PAN3: variants seen among roughly 807,000 people sequenced by gnomAD.
PAN3 encodes poly(A) specific ribonuclease subunit PAN3, also known as PAN2-PAN3 deadenylation complex subunit PAN3.
A neutral mutation model predicts 96.2 loss-of-function variants in PAN3; 19 were observed. That is an observed-to-expected ratio of 0.20 (90% CI 0.14 to 0.29). PAN3 has a LOEUF of 0.29. Among genes scored for constraint, PAN3 ranks in the 10% least tolerant of loss-of-function variants. The pLI is 1.00. For synonymous variants in PAN3, 433 were observed against 406.6 expected (o/e 1.06, Z -0.78); for missense variants, 882 against 1,108.1 (o/e 0.80, Z 2.90).
intron 6 of PAN3, among the ~76,000 whole-genome samples, chr13:28,233,939 A>G (rs959818833): frequency 6.6e-6 from 1 of 152,202 alleles, no homozygotes. Flanking sequence ...GCATTTCCCA[A>G]GGTGCTTTTA....
At chr13:28,196,137 G>A (rs563364029) in intron 4 of PAN3, among the ~76,000 whole-genome samples, 1 of 151,612 alleles carries the variant, frequency 6.6e-6, no homozygotes, top group Admixed American at 6.6e-5. Context: ...GGGATTACAG[G>A]CATGAGCCAC....
At chr13:28,201,037 C>G (rs777870477) in intron 5 of PAN3, among the ~76,000 whole-genome samples, 1 of 151,610 alleles carries the variant, frequency 6.6e-6, no homozygotes, top group Non-Finnish European at 1.5e-5. Context: ...CTGTCTCTCT[C>G]TCTCTTTTTT....
At chr13:28,264,518 T>G (rs1342300558) in intron 9 of PAN3, among the ~76,000 whole-genome samples, 1 of 152,022 alleles carries the variant, frequency 6.6e-6, no homozygotes, top group African/African-American at 2.4e-5. Flanking sequence ...TGGGAGACTC[T>G]GTCTCCAAAA....
chr13:28,256,422 A>T lies in PAN3; in HGVS notation c.1131A>T (p.Thr377=). ...ACATGGTGCCTTCTAGTGCCTCTAC[A>T]TCTGTTAATAATCCTGTTTCTCAGA... is the stretch of plus-strand genomic sequence containing the variant. ...ASYMVPSSAS[T]SVNNPVSQTP... Residue 377 remains threonine, a synonymous_variant, in exon 7 of 19, where the codon ACA becomes ACT. Transcript: ENST00000380958. 2 of 1,614,018 alleles carry T rather than the reference A, an allele frequency of 1.2e-6. No homozygotes were observed. Among genetic ancestry groups the T allele is most frequent in the Non-Finnish European group, 8.5e-7 (1 of 1,179,934 alleles).
chr13:28,246,087 C>T (rs1884155636), intron 6 of PAN3, among the ~76,000 whole-genome samples: 1 of 152,076 alleles, frequency 6.6e-6, no homozygotes, highest in Non-Finnish European at 1.5e-5. Context: ...TGATTATAGC[C>T]ATCCTAGTGT....
At chr13:28,264,037 C>T (rs1038150277) in intron 9 of PAN3, among the ~76,000 whole-genome samples, 3 of 152,104 alleles carry the variant, frequency 2.0e-5, no homozygotes, top group Admixed American at 1.3e-4. Context: ...TAGTTTTTGG[C>T]ATCCTGAATT....
At chr13:28,157,253 A>C (rs941128013) in intron 1 of PAN3, among the ~76,000 whole-genome samples, 2 of 152,162 alleles carry the variant, frequency 1.3e-5, no homozygotes, top group African/African-American at 4.8e-5. Context: ...ATGTATGACA[A>C]ACCCACAGCA....
At chr13:28,251,569 C>T (rs1038127946) in intron 6 of PAN3, among the ~76,000 whole-genome samples, 3 of 152,210 alleles carry the variant, frequency 2.0e-5, no homozygotes, top group Non-Finnish European at 4.4e-5. Context: ...TCTCTTAAGA[C>T]GTCACCCCAG....
Position 28,215,922 on chromosome 13 carries a change from C to CTAG in PAN3, c.853-4307_853-4305dup, listed in dbSNP as rs1880701722. On this transcript the variant is annotated intron_variant, in intron 5 of 18. Coordinates refer to ENST00000380958, the MANE Select transcript of PAN3 (RefSeq NM_175854.8). ...AATATTATCCCTAATACCTGCCACTCTAGTCTTAATCAGTGGTGGAAGAAT... is the reference window on the plus strand; with the variant it reads ...AATATTATCCCTAATACCTGCCACTCTAGTAGTCTTAATCAGTGGTGGAAGAAT... The CTAG allele has an allele frequency of 1.2e-5, 14 of 1,175,860 alleles. No individual in the cohort carries two copies. In the Admixed American group the frequency reaches 2.4e-4, roughly 20 times the overall value. The allele number at this position is 1,175,860 out of a possible 1,614,324, so 72.8% of individuals were successfully genotyped here.
intron 12 of PAN3, among the ~76,000 whole-genome samples, chr13:28,267,824 A>G (rs1433312465): frequency 2.0e-5 from 3 of 152,206 alleles, no homozygotes; most frequent in Non-Finnish European, 4.4e-5. Context: ...CCCTCCCACA[A>G]CACTGTGGGA....
At chr13:28,192,195 G>C (rs140743084) in intron 4 of PAN3, among the ~76,000 whole-genome samples, 134 of 151,944 alleles carry the variant, frequency 8.8e-4, no homozygotes, top group African/African-American at 3.0e-3. Flanking sequence ...TCAGCCTCCT[G>C]AGTCGCTGGG....
chr13:28,220,125 A>C (rs1389888384), intron 5 of PAN3, 106 bp from the exon 6 acceptor site: 1 of 1,076,118 alleles, frequency 9.3e-7, no homozygotes, highest in African/African-American at 1.6e-5. Context: ...TCCTTTCAAT[A>C]ATATATTTTA....
chr13:28,220,299 C>G lies in PAN3; in HGVS notation c.921C>G (p.Ser307=). 1.2e-6 allele frequency: 2 copies of G among 1,613,692 alleles called. No individual in the cohort carries two copies. The highest frequency in any genetic ancestry group is 1.7e-6 in the Non-Finnish European group (2 of 1,179,720). The change falls in exon 6 of 19, where the codon TCC becomes TCG. Residue 307 remains serine, a synonymous_variant. Coordinates refer to ENST00000380958, the MANE Select transcript of PAN3 (RefSeq NM_175854.8). The part of the protein sequence containing the change: ...GGSTSRLSNV[S]QSNMSAFSQV... ...CAACCTCCAGGCTGAGTAACGTGTC[C>G]CAGTCAAATATGTCTGCCTTCTCTC...
chr13:28,215,287 G>T lies in PAN3; in HGVS notation c.853-4944G>T. 4.2e-6 allele frequency: 3 copies of T among 715,340 alleles called. No homozygotes were observed. The South Asian group carries it at 4.6e-5, about 11-fold the overall frequency. 44.3% of individuals were successfully genotyped at this position (715,340 alleles called of 1,614,324 possible). A position where few individuals can be genotyped will look rare whatever the true frequency, so the allele number is the denominator to read the frequency against. On this transcript the variant is annotated intron_variant, in intron 5 of 18. Coordinates refer to ENST00000380958, the MANE Select transcript of PAN3 (RefSeq NM_175854.8). ...CTCCAGGGTGTCTACAAAATTGGTG[G>T]TATTGGTACTGTGTCTGTGGACCGA...
chr13:28,142,854 T>A (rs1023685051), intron 1 of PAN3, among the ~76,000 whole-genome samples: 2 of 152,204 alleles, frequency 1.3e-5, no homozygotes, highest in Non-Finnish European at 2.9e-5. Context: ...TTTGACTCAT[T>A]CCCTAACTGG....
intron 17 of PAN3, among the ~76,000 whole-genome samples, chr13:28,283,522 C>G (rs985089330): frequency 2.0e-5 from 3 of 152,068 alleles, no homozygotes; most frequent in Non-Finnish European, 2.9e-5. Context: ...CTGTATTATT[C>G]CAGAGTTACA....
At chr13:28,202,679 A>ACT (rs531927129) in intron 5 of PAN3, among the ~76,000 whole-genome samples, 4 of 151,632 alleles carry the variant, frequency 2.6e-5, no homozygotes, top group African/African-American at 9.7e-5. Flanking sequence ...ACACACACAC[A>ACT]ATTTGTTTAA....
At chr13:28,261,359 G>A (rs1885704679) in intron 8 of PAN3, 42 bp from the exon 9 acceptor site, 1 of 1,404,486 alleles carries the variant, frequency 7.1e-7, no homozygotes, top group East Asian at 2.4e-5. Flanking sequence ...CCAGGTTTCA[G>A]AATCTGTGTT....
intron 4 of PAN3, among the ~76,000 whole-genome samples, chr13:28,189,726 A>G (rs1410187248): frequency 6.6e-6 from 1 of 152,146 alleles, no homozygotes; most frequent in Non-Finnish European, 1.5e-5. Flanking sequence ...TCAAAGTGCG[A>G]TCACCAGACC....
Sources: allele counts gnomAD v4.1 joint callset (sites outside exome capture counted in the v4.1 genomes callset), GRCh38; gene constraint gnomAD v4.1.1; transcripts MANE v1.5; gene names NCBI Gene and HGNC (gene_info 2026-07-23, HGNC 2026-07-21).